SLC12A5: variants seen among roughly 807,000 people sequenced by gnomAD.
The protein encoded by SLC12A5 is solute carrier family 12 member 5.
A neutral mutation model predicts 124.0 loss-of-function variants in SLC12A5; 18 were observed. The observed-to-expected ratio is 0.15, with a 90% CI of 0.10 to 0.22. SLC12A5 has a LOEUF of 0.22. Among genes scored for constraint, SLC12A5 ranks in the 10% least tolerant of loss-of-function variants. SLC12A5 has a pLI of 1.00. For synonymous variants in SLC12A5, 589 were observed against 568.0 expected, an observed-to-expected ratio of 1.04 and a Z score of -0.53; for missense variants, 867 against 1,478.7, an observed-to-expected ratio of 0.59 and a Z score of 6.78.
Position 46,035,794 on chromosome 20 carries a change from C to T in SLC12A5, c.297C>T (p.Thr99=). 6.2e-7 allele frequency: 1 copy of T among 1,613,702 alleles called. No homozygotes were observed. The part of the protein sequence containing the change: ...KKPVQAPRMG[T]FMGVYLPCLQ... ...CCTGGCAGGCCCCACGCATGGGCAC[C>T]TTCATGGGCGTGTACCTGCCGTGCC... The change falls in exon 4 of 26, where the codon ACC becomes ACT. Residue 99 remains threonine, a synonymous_variant. Transcript: ENST00000243964.
In SLC12A5 at chr20:46,056,993, T is replaced by G; in HGVS notation, c.3125+82T>G. 1 of 1,602,864 alleles carries G rather than the reference T, an allele frequency of 6.2e-7. No individual in the cohort carries two copies. Among genetic ancestry groups the G allele is most frequent in the Non-Finnish European group, 8.5e-7 (1 of 1,170,142 alleles). On this transcript the variant is annotated intron_variant, in intron 24 of 25. Transcript: ENST00000243964. The surrounding 1 kb of genome is among the most constrained non-coding windows in gnomAD (Gnocchi z 4.3). ...TCCTCACTCTGTTGTGAACCCCTAA[T>G]TGGTGCCACGACCTCTGGGATCTCT...
chr20:46,057,771 G>A lies in SLC12A5; in HGVS notation c.*166G>A. ...AGGCCACGCCTGTTGGGGCTGATTCGGAGAGGGCGCCCCGCCGCGCAGAGA... is the reference window on the plus strand; with the variant it reads ...AGGCCACGCCTGTTGGGGCTGATTCAGAGAGGGCGCCCCGCCGCGCAGAGA... On this transcript the variant is annotated 3_prime_UTR_variant, in exon 26 of 26. Coordinates refer to ENST00000243964, the MANE Select transcript of SLC12A5 (RefSeq NM_020708.5). The surrounding 1 kb of genome is among the most constrained non-coding windows in gnomAD (Gnocchi z 7.1). The A allele has an allele frequency of 1.7e-6, 1 of 590,216 alleles. No homozygotes were observed. The allele number at this position is 590,216 out of a possible 1,614,324, so 36.6% of individuals were successfully genotyped here.
Position 46,023,026 on chromosome 20 carries a change from G to C in SLC12A5, c.146G>C (p.Gly49Ala), listed in dbSNP as rs1168804709. 8.9e-5 allele frequency: 36 copies of C among 403,858 alleles called. No individual in the cohort carries two copies. In the Admixed American group the frequency reaches 1.5e-3, roughly 17 times the overall value. 25.0% of individuals were successfully genotyped at this position (403,858 alleles called of 1,614,324 possible). A position where few individuals can be genotyped will look rare whatever the true frequency, so the allele number is the denominator to read the frequency against. ...GGAAGAGGAGGAGGAGGAGAAGGAG[G>C]AGGAGAAGCCTCCCCAGACCGCCAG... Residue 49 changes from glycine (G) to alanine (A), a missense_variant, in exon 2 of 3, where the codon GGA (glycine) becomes GCA (alanine). Transcript: ENST00000413737.
At chr20:46,054,099 CATAGAGTGTATTT>C (rs756215942) in intron 20 of SLC12A5, among the ~76,000 whole-genome samples, 12 of 152,280 alleles carry the variant, frequency 7.9e-5, no homozygotes, top group South Asian at 2.1e-4. Flanking sequence ...GTGTGAACAT[CATAGAGTGTATTT>C]ATGCACACCT....
intron 1 of SLC12A5, among the ~76,000 whole-genome samples, chr20:46,033,106 C>T (rs2084467764): frequency 1.3e-5 from 2 of 152,176 alleles, no homozygotes; most frequent in African/African-American, 4.8e-5. Flanking sequence ...GGCATCACTC[C>T]TCCTGGCCCA....
chr20:46,053,034 G>A lies in SLC12A5; in HGVS notation c.2455G>A (p.Glu819Lys), dbSNP rs751841577. The A allele has an allele frequency of 4.3e-6, 7 of 1,614,068 alleles. No homozygotes were observed. The African/African-American group carries it at 8.0e-5, about 18-fold the overall frequency. Residue 819 changes from glutamate (E) to lysine (K), a missense_variant, in exon 19 of 26, where the codon GAG (glutamate) becomes AAG (lysine). Physicochemically the swap from Glu to Lys is moderately conservative, Grantham distance 56. This residue lies in a region of SLC12A5 where 110 missense variants were observed against 149.9 expected (regional missense o/e 0.73). Transcript: ENST00000243964. This position sits in a 1 kb window ranked among gnomAD's most constrained non-coding sequence, Gnocchi z 4.7. ...KNVSMFPGNP[E>K]RFSEGSIDVW... ...CGTTTCCATGTTTCCTGGGAACCCT[G>A]AGCGCTTCTCTGAGGGCAGCATCGA... is the stretch of plus-strand genomic sequence containing the variant.
chr20:46,040,667 T>C, intron 7 of SLC12A5, 53 bp downstream of exon 7: 1 of 1,591,682 alleles, frequency 6.3e-7, no homozygotes. Context: ...TCCCTGGCCC[T>C]GTTTCAGAGT....
At position 46,021,970 on chromosome 20, in the gene SLC12A5, AG is replaced by A; in HGVS notation, c.48+87del. 2.3e-6 allele frequency: 3 copies of A among 1,289,814 alleles called. No individual in the cohort carries two copies. The South Asian group carries it at 4.8e-5, about 20-fold the overall frequency. The allele number at this position is 1,289,814 out of a possible 1,614,324, so 79.9% of individuals were successfully genotyped here. A position where few individuals can be genotyped will look rare whatever the true frequency, so the allele number is the denominator to read the frequency against. ...GGGCGGACCGTCTGTTGAAGGGGGC[AG>A]GGCCAAGACCGGGGGCGGGGAGGGG... On this transcript the variant is annotated intron_variant, in intron 1 of 2. Transcript: ENST00000413737.
rs990598587 is a variant in SLC12A5, at chr20:46,058,289, G to T, written c.*684G>T. ...CGTCCAAGAGTTTGAGAGCGAAAGT[G>T]CTTTAGGCCCAGGCGGGGGTCGTGG... is the stretch of plus-strand genomic sequence containing the variant. On this transcript the variant is annotated 3_prime_UTR_variant, in exon 26 of 26. Transcript: ENST00000243964. This position sits in a 1 kb window ranked among gnomAD's most constrained non-coding sequence, Gnocchi z 5.8. The T allele has an allele frequency of 1.5e-5, 6 of 396,624 alleles. No individual in the cohort carries two copies. The highest frequency in any genetic ancestry group is 1.0e-4 in the African/African-American group (5 of 48,628). The allele number at this position is 396,624 out of a possible 1,614,324, so 24.6% of individuals were successfully genotyped here.
upstream of SLC12A5, chr20:46,029,024 G>T: frequency 2.6e-6 from 2 of 780,440 alleles, no homozygotes; most frequent in Non-Finnish European, 3.4e-6. Flanking sequence ...TTGTGCAAGG[G>T]GGCCACTAGT....
At chr20:46,035,088 T>C in intron 2 of SLC12A5, 46 bp downstream of exon 2, 1 of 1,583,666 alleles carries the variant, frequency 6.3e-7, no homozygotes, top group Non-Finnish European at 8.7e-7. Context: ...TTCATTATCC[T>C]GATTCATCAG....
chr20:46,053,735 G>A lies in SLC12A5; in HGVS notation c.2679+26G>A. On this transcript the variant is annotated intron_variant, in intron 20 of 25. Transcript: ENST00000243964. The surrounding 1 kb of genome is among the most constrained non-coding windows in gnomAD (Gnocchi z 4.7). ...GTGAGTCCCCAGGAGACACCGCTGG[G>A]GTTCCACCTGGCCCTCTTTCCTCTT... is the stretch of plus-strand genomic sequence containing the variant. 7.1e-6 allele frequency: 11 copies of A among 1,539,434 alleles called. No individual in the cohort carries two copies. Among genetic ancestry groups the A allele is most frequent in the Non-Finnish European group, 9.7e-6 (11 of 1,138,632 alleles).
intron 16 of SLC12A5, among the ~76,000 whole-genome samples, chr20:46,048,867 C>CA (rs11375367): frequency 0.59 from 86,579 of 146,044 alleles, 25,722 homozygotes; most frequent in African/African-American, 0.68. Context: ...GACCCTGTCT[C>CA]AAAAAAAAAA....
chr20:46,047,683 G>A lies in SLC12A5; in HGVS notation c.1907+110G>A, dbSNP rs1022628826. On this transcript the variant is annotated intron_variant, in intron 15 of 25. Coordinates refer to ENST00000243964, the MANE Select transcript of SLC12A5 (RefSeq NM_020708.5). ...GGTGGTGGGGGTGAGATGAAGCAGG[G>A]AGTGGGAGAGGATGGGGCTGGAGTA... 9.3e-6 allele frequency: 13 copies of A among 1,396,242 alleles called. No homozygotes were observed. The African/African-American group carries it at 1.8e-4, about 20-fold the overall frequency. 86.5% of individuals were successfully genotyped at this position (1,396,242 alleles called of 1,614,324 possible). A position where few individuals can be genotyped will look rare whatever the true frequency, so the allele number is the denominator to read the frequency against.
At chr20:46,031,404 T>C (rs2084448169) in intron 1 of SLC12A5, among the ~76,000 whole-genome samples, 1 of 151,924 alleles carries the variant, frequency 6.6e-6, no homozygotes, top group African/African-American at 2.4e-5. Flanking sequence ...CTCCAAGCGG[T>C]GCTTGGAGAT....
At chr20:46,040,902 G>C (rs1159084336) in intron 7 of SLC12A5, 1 of 473,986 alleles carries the variant, frequency 2.1e-6, no homozygotes, top group South Asian at 2.5e-5. Context: ...AATGAATGCT[G>C]TCTGTGGTAG....
At chr20:46,034,839 C>T in intron 1 of SLC12A5, 109 bp from the exon 2 acceptor site, 3 of 966,968 alleles carry the variant, frequency 3.1e-6, no homozygotes, top group Non-Finnish European at 5.0e-6. Flanking sequence ...CCCATTTTCC[C>T]AATGCGCGAA....
At chr20:46,036,538 G>T (rs1193019986) in intron 4 of SLC12A5, 8 of 484,168 alleles carry the variant, frequency 1.7e-5, no homozygotes, top group Admixed American at 9.4e-5. Context: ...GCTTGCTTGG[G>T]CTCCTTCCGT....
intron 6 of SLC12A5, among the ~76,000 whole-genome samples, chr20:46,038,859 G>A (rs896483210): frequency 2.0e-5 from 3 of 152,190 alleles, no homozygotes; most frequent in Non-Finnish European, 1.5e-5. Flanking sequence ...TTAGTGTCAC[G>A]GCAGGATGGA....
Sources: gnomAD v4.1 joint callset for allele counts (sites outside exome capture counted in the v4.1 genomes callset) on GRCh38, gnomAD v4.1.1 for gene constraint, gnomAD v4.1.1 regional missense constraint, Gnocchi (gnomAD v3.1) non-coding constraint, MANE v1.5 for transcripts, NCBI Gene and HGNC (gene_info 2026-07-23, HGNC 2026-07-21) for gene names.